Variants in MOB4 observed in about 807,000 individuals in gnomAD.
MOB4 encodes MOB family member 4, phocein, also known as MOB-like protein phocein.
Under a neutral mutation model 32.2 loss-of-function variants are expected in MOB4, and 4 were observed. The observed-to-expected ratio is 0.12, with a 90% confidence interval of 0.06 to 0.28. The LOEUF is 0.28. MOB4 is among the 10% of genes least tolerant of loss of function. MOB4 has a pLI of 1.00. For missense variants in MOB4, 158 were observed against 271.2 expected (o/e 0.58, Z 2.93); for synonymous variants, 88 against 88.1 (o/e 1.00, Z 0.01).
intron 2 of MOB4, among the ~76,000 whole-genome samples, chr2:197,524,130 G>C (rs991604871): frequency 2.6e-5 from 4 of 152,166 alleles, no homozygotes; most frequent in African/African-American, 9.7e-5. Context: ...CCAGTAGCTA[G>C]GGAGTCTGAG....
At chr2:197,521,880 G>A (rs2086526149) in intron 1 of MOB4, among the ~76,000 whole-genome samples, 1 of 152,148 alleles carries the variant, frequency 6.6e-6, no homozygotes, top group Non-Finnish European at 1.5e-5. Flanking sequence ...TACAGTTTGT[G>A]CAGTTAACAC....
intron 4 of MOB4, 69 bp from the exon 5 acceptor site, chr2:197,540,282 A>G (rs1167305123): frequency 6.8e-6 from 10 of 1,473,970 alleles, no homozygotes; most frequent in Non-Finnish European, 9.0e-6. Flanking sequence ...TTATGGAAAT[A>G]TAGTAACCTA....
chr2:197,522,111 C>T (rs2086530524), intron 1 of MOB4, among the ~76,000 whole-genome samples: 2 of 152,086 alleles, frequency 1.3e-5, no homozygotes, highest in South Asian at 2.1e-4. Flanking sequence ...CTTCACAATC[C>T]ACATTCTTCT....
At chr2:197,533,179 A>G (rs1019061285) in intron 2 of MOB4, among the ~76,000 whole-genome samples, 2 of 152,232 alleles carry the variant, frequency 1.3e-5, no homozygotes, top group Non-Finnish European at 2.9e-5. Context: ...TTGCTAATAT[A>G]TACAAATTAC....
chr2:197,532,990 T>C (rs1476312414), intron 2 of MOB4, among the ~76,000 whole-genome samples: 2 of 151,892 alleles, frequency 1.3e-5, no homozygotes, highest in African/African-American at 4.8e-5. Context: ...TCCCGGCTAC[T>C]TGGAAGGCTG....
At chr2:197,520,468 T>C (rs141769911) in intron 1 of MOB4, among the ~76,000 whole-genome samples, 20 of 152,296 alleles carry the variant, frequency 1.3e-4, no homozygotes, top group African/African-American at 4.8e-4. Context: ...TGTTTACTTC[T>C]AATTTGCTTT....
In MOB4 at chr2:197,550,363, C is replaced by T; in HGVS notation, c.523C>T (p.Arg175Trp). The change falls in exon 7 of 8, where the codon CGG becomes TGG. Residue 175 changes from arginine to tryptophan, a missense_variant. Arg to Trp is a moderately radical substitution (Grantham distance 101). This residue lies in a region of MOB4 where 45 missense variants were observed against 65.6 expected (regional missense o/e 0.69). Transcript: ENST00000323303. ...ATTTTCACATGCTTATTTTCATCAT[C>T]GGCAGATATTTGATGAATATGAAGT... is the stretch of plus-strand genomic sequence containing the variant. Reference protein sequence around the residue: ...RIFSHAYFHHRQIFDEYENET... With the variant: ...RIFSHAYFHHWQIFDEYENET... 6.2e-7 allele frequency: 1 copy of T among 1,613,526 alleles called. No individual in the cohort carries two copies. The highest frequency in any genetic ancestry group is 8.5e-7 in the Non-Finnish European group (1 of 1,179,814).
At chr2:197,550,428 T>G (rs1406481366) in intron 7 of MOB4, 42 bp downstream of exon 7, 2 of 1,602,680 alleles carry the variant, frequency 1.2e-6, no homozygotes, top group Non-Finnish European at 1.7e-6. Flanking sequence ...TTCTTATCAG[T>G]GTAACAGTAA....
intron 5 of MOB4, among the ~76,000 whole-genome samples, chr2:197,543,158 T>A (rs1481052480): frequency 6.6e-6 from 1 of 151,916 alleles, no homozygotes; most frequent in East Asian, 1.9e-4. Context: ...CTGAGTGTGA[T>A]GGGTGTGCAC....
intron 3 of MOB4, among the ~76,000 whole-genome samples, chr2:197,539,434 T>C (rs1156300470): frequency 1.3e-5 from 2 of 150,822 alleles, no homozygotes; most frequent in African/African-American, 4.9e-5. Context: ...TTCTCCCTCC[T>C]CAGCCTCCTG....
At chr2:197,525,247 G>C (rs1468416146) in intron 2 of MOB4, among the ~76,000 whole-genome samples, 1 of 138,792 alleles carries the variant, frequency 7.2e-6, no homozygotes, top group African/African-American at 2.8e-5. Context: ...CTCGGGGGCT[G>C]AGGCAGGAGA....
At chr2:197,518,573 T>G (rs7577027) in intron 1 of MOB4, among the ~76,000 whole-genome samples, 1,637 of 151,106 alleles carry the variant, frequency 0.011, 18 homozygotes, top group East Asian at 0.03. Context: ...TTTTTTTTTT[T>G]TGTGTGTGAG....
chr2:197,543,347 T>C (rs1391596340), intron 5 of MOB4, among the ~76,000 whole-genome samples: 7 of 152,028 alleles, frequency 4.6e-5, no homozygotes. Context: ...TCAACATTAG[T>C]TATTAAGGCA....
chr2:197,547,984 G>A (rs1038230559), intron 5 of MOB4, among the ~76,000 whole-genome samples: 3 of 152,094 alleles, frequency 2.0e-5, no homozygotes, highest in Non-Finnish European at 4.4e-5. Flanking sequence ...ATAATAGAGT[G>A]CTAGGGACAT....
At chr2:197,523,172 A>G (rs2086551321) in intron 1 of MOB4, among the ~76,000 whole-genome samples, 1 of 152,050 alleles carries the variant, frequency 6.6e-6, no homozygotes, top group Non-Finnish European at 1.5e-5. Flanking sequence ...AAAGTGATAG[A>G]CTTGTCTCCC....
chr2:197,527,415 A>G (rs2086628900), intron 2 of MOB4, among the ~76,000 whole-genome samples: 1 of 152,206 alleles, frequency 6.6e-6, no homozygotes, highest in Admixed American at 6.5e-5. Context: ...TGCTATTGTA[A>G]GTGGAATTGC....
intron 2 of MOB4, among the ~76,000 whole-genome samples, chr2:197,529,400 G>A (rs2086662434): frequency 6.6e-6 from 1 of 151,938 alleles, no homozygotes; most frequent in Non-Finnish European, 1.5e-5. Context: ...CACCCAGACT[G>A]GAGTACGGTG....
intron 2 of MOB4, among the ~76,000 whole-genome samples, chr2:197,532,995 A>G (rs1015036578): frequency 6.6e-6 from 1 of 152,008 alleles, no homozygotes; most frequent in African/African-American, 2.4e-5. Flanking sequence ...GCTACTTGGA[A>G]GGCTGAGACA....
intron 1 of MOB4, among the ~76,000 whole-genome samples, chr2:197,518,836 A>G (rs941591572): frequency 6.6e-6 from 1 of 151,912 alleles, no homozygotes; most frequent in Non-Finnish European, 1.5e-5. Flanking sequence ...GCTCACTGCA[A>G]GTTCCACGTC....
Sources: gnomAD v4.1 joint callset for allele counts (sites outside exome capture counted in the v4.1 genomes callset) on GRCh38, gnomAD v4.1.1 for gene constraint, gnomAD v4.1.1 regional missense constraint, MANE v1.5 for transcripts, NCBI Gene and HGNC (gene_info 2026-07-23, HGNC 2026-07-21) for gene names.